Variants in SLC15A2 observed in about 807,000 individuals in gnomAD.
SLC15A2 encodes the protein solute carrier family 15 member 2.
SLC15A2 carries 77 observed loss-of-function variants against 95.5 expected under a neutral mutation model. That is an observed-to-expected ratio of 0.81 (90% CI 0.67 to 0.97). SLC15A2 has a LOEUF of 0.97. SLC15A2 is among the 50% of genes least tolerant of loss of function. The pLI is 0.00. For synonymous variants in SLC15A2, 306 were observed against 306.9 expected (o/e 1.00, Z 0.03); for missense variants, 893 against 874.4 (o/e 1.02, Z -0.27).
chr3:121,940,292 T>C (rs1710435823), intron 20 of SLC15A2, 92 bp from the exon 21 acceptor site: 2 of 857,262 alleles, frequency 2.3e-6, no homozygotes, highest in Non-Finnish European at 3.9e-6. Flanking sequence ...AAGTTCTAAC[T>C]TGGAAGCTTT....
In SLC15A2 at chr3:121,927,787, T is replaced by A; in HGVS notation, c.1154T>A (p.Ile385Asn). The change falls in exon 14 of 22, where the codon ATC becomes AAC. Residue 385 changes from isoleucine to asparagine, a missense_variant. Coordinates refer to ENST00000489711, the MANE Select transcript of SLC15A2 (RefSeq NM_021082.4). ...SSLRKMAVGM[I>N]LACLAFAVAA... ...CTTAGGAAAATGGCTGTTGGTATGA[T>A]CCTAGCATGCCTGGCATTTGCAGTT... The A allele has an allele frequency of 3.1e-6, 5 of 1,613,964 alleles. No homozygotes were observed. Among genetic ancestry groups the A allele is most frequent in the Non-Finnish European group, 4.2e-6 (5 of 1,179,806 alleles).
chr3:121,924,311 C>A, intron 11 of SLC15A2, 40 bp from the exon 12 acceptor site: 2 of 1,575,428 alleles, frequency 1.3e-6, no homozygotes, highest in Non-Finnish European at 1.7e-6. Context: ...TTTTTCTTTT[C>A]TTCAGACATC....
rs200046415 is a variant in SLC15A2, at chr3:121,896,469, C to T, written c.169C>T (p.Arg57Cys). ...CATTGTGGTGAATGAATTCTGCGAG[C>T]GCTTTTCCTATTATGGAATGAAAGG... ...AFIVVNEFCERFSYYGMKAVL... is the reference protein window; with the variant it reads ...AFIVVNEFCECFSYYGMKAVL... The change falls in exon 2 of 22, where the codon CGC (arginine) becomes TGC (cysteine). Residue 57 changes from arginine (R) to cysteine (C), a missense_variant. Coordinates refer to ENST00000489711, the MANE Select transcript of SLC15A2 (RefSeq NM_021082.4). 6.2e-6 allele frequency: 10 copies of T among 1,613,882 alleles called. No individual in the cohort carries two copies. Among genetic ancestry groups the T allele is most frequent in the Admixed American group, 5.0e-5 (3 of 60,002 alleles).
intron 20 of SLC15A2, among the ~76,000 whole-genome samples, chr3:121,940,120 T>G (rs537240978): frequency 6.6e-6 from 1 of 152,288 alleles, no homozygotes; most frequent in South Asian, 2.1e-4. Flanking sequence ...ATACTATTTT[T>G]TAAATGTATA....
At chr3:121,917,438 C>T (rs1481690492) in intron 7 of SLC15A2, among the ~76,000 whole-genome samples, 1 of 152,092 alleles carries the variant, frequency 6.6e-6, no homozygotes, top group Non-Finnish European at 1.5e-5. Context: ...CCTGTAATCC[C>T]AGCACTTTGG....
In SLC15A2 at chr3:121,941,640, T is replaced by G. The variant is rs1710465677; in HGVS notation, c.*633T>G. 6.6e-6 allele frequency: 1 copy of G among 152,214 alleles called. No individual in the cohort carries two copies. Among genetic ancestry groups the G allele is most frequent in the African/African-American group, 2.4e-5 (1 of 41,440 alleles). The allele number at this position is 152,214 out of a possible 1,614,324, so 9.4% of individuals were successfully genotyped here. On this transcript the variant is annotated 3_prime_UTR_variant, in exon 22 of 22. Coordinates refer to ENST00000489711, the MANE Select transcript of SLC15A2 (RefSeq NM_021082.4). ...CTCTCTGATTATGATAGTATTTTAT[T>G]TACTTATCCAAACCCTCCTTTCTCA...
chr3:121,903,548 C>T (rs1338241137), intron 3 of SLC15A2, among the ~76,000 whole-genome samples: 1 of 152,098 alleles, frequency 6.6e-6, no homozygotes, highest in African/African-American at 2.4e-5. Context: ...GGAAGGGATC[C>T]AGTTTCAGCT....
chr3:121,920,925 T>C (rs1559847986), intron 7 of SLC15A2, among the ~76,000 whole-genome samples: 1 of 152,178 alleles, frequency 6.6e-6, no homozygotes, highest in Non-Finnish European at 1.5e-5. Flanking sequence ...GGAAATCCGT[T>C]AAGGAGGAAA....
At chr3:121,927,308 A>G (rs1310274408) in intron 13 of SLC15A2, among the ~76,000 whole-genome samples, 1 of 152,224 alleles carries the variant, frequency 6.6e-6, no homozygotes, top group Non-Finnish European at 1.5e-5. Flanking sequence ...TGTAATTCCC[A>G]GTGATAAAGG....
chr3:121,898,377 G>A (rs191182594), intron 3 of SLC15A2, among the ~76,000 whole-genome samples: 1 of 151,996 alleles, frequency 6.6e-6, no homozygotes, highest in Admixed American at 6.6e-5. Flanking sequence ...GGTTCATTCA[G>A]TTCAGTATCT....
intron 3 of SLC15A2, among the ~76,000 whole-genome samples, chr3:121,903,601 A>G (rs1346292792): frequency 2.0e-5 from 3 of 152,182 alleles, no homozygotes; most frequent in African/African-American, 7.2e-5. Flanking sequence ...CATTTATTAA[A>G]TAGGGAATCC....
intron 17 of SLC15A2, among the ~76,000 whole-genome samples, chr3:121,929,620 A>C (rs1559852302): frequency 6.6e-6 from 1 of 152,088 alleles, no homozygotes; most frequent in African/African-American, 2.4e-5. Flanking sequence ...TCTTGCTCTC[A>C]GGAAAATAAC....
At chr3:121,915,434 T>A (rs1709873780) in intron 6 of SLC15A2, 117 bp downstream of exon 6, 1 of 827,688 alleles carries the variant, frequency 1.2e-6, no homozygotes, top group Non-Finnish European at 2.0e-6. Context: ...TCTGTGAAAA[T>A]TTATTTTAGT....
chr3:121,925,436 A>T (rs912641520), intron 13 of SLC15A2, among the ~76,000 whole-genome samples: 5 of 152,064 alleles, frequency 3.3e-5, no homozygotes, highest in Non-Finnish European at 7.4e-5. Flanking sequence ...TGGGGAACCT[A>T]GTAGGACTGG....
At chr3:121,939,746 G>A (rs902689919) in intron 20 of SLC15A2, among the ~76,000 whole-genome samples, 2 of 152,026 alleles carry the variant, frequency 1.3e-5, no homozygotes, top group African/African-American at 4.8e-5. Flanking sequence ...CAGACTTCCC[G>A]TGTTCAAATT....
At chr3:121,928,357 T>A in intron 14 of SLC15A2, 64 bp from the exon 15 acceptor site, 1 of 1,566,750 alleles carries the variant, frequency 6.4e-7, no homozygotes, top group Non-Finnish European at 8.7e-7. Flanking sequence ...AACTGAGATA[T>A]GTGTTGCCAT....
chr3:121,904,702 G>A (rs570417724), intron 3 of SLC15A2, among the ~76,000 whole-genome samples: 41 of 152,254 alleles, frequency 2.7e-4, no homozygotes, highest in Middle Eastern at 6.8e-3. Context: ...GGATGAAGCC[G>A]ACTTGATCAT....
At chr3:121,896,978 T>C (rs1261279790) in intron 2 of SLC15A2, among the ~76,000 whole-genome samples, 2 of 148,230 alleles carry the variant, frequency 1.3e-5, no homozygotes, top group Non-Finnish European at 3.0e-5. Context: ...GTTCCTCAGG[T>C]ATGAGCTAAC....
chr3:121,908,698 G>A (rs146567188), intron 3 of SLC15A2, among the ~76,000 whole-genome samples: 4 of 152,104 alleles, frequency 2.6e-5, no homozygotes, highest in Non-Finnish European at 5.9e-5. Context: ...CCTCTTCTTA[G>A]TTCCTAAGTG....
Sources: allele counts gnomAD v4.1 joint callset (sites outside exome capture counted in the v4.1 genomes callset), GRCh38; gene constraint gnomAD v4.1.1; transcripts MANE v1.5; gene names NCBI Gene and HGNC (gene_info 2026-07-23, HGNC 2026-07-21).